CSMD1: variants seen among roughly 807,000 people sequenced by gnomAD.
CSMD1 encodes CUB and sushi domain-containing protein 1.
In CSMD1, 213 loss-of-function variants were observed where a neutral mutation model predicts 417.5. The observed-to-expected ratio is 0.51, with a 90% CI of 0.46 to 0.57. The LOEUF (loss-of-function observed/expected upper bound fraction) is 0.57. Among genes scored for constraint, CSMD1 ranks in the 20% least tolerant of loss-of-function variants. The pLI, the probability that CSMD1 is intolerant of heterozygous loss-of-function variation, is 0.00. For synonymous variants in CSMD1, 2,862 were observed against 1,736.8 expected (o/e 1.65, Z -16.11); for missense variants, 6,923 against 4,529.7 (o/e 1.53, Z -15.17).
At chr8:3,464,534 A>G (rs1440852388) in intron 12 of CSMD1, among the ~76,000 whole-genome samples, 1 of 150,856 alleles carries the variant, frequency 6.6e-6, no homozygotes, top group East Asian at 1.9e-4. Context: ...GTATTCTGAG[A>G]TTTACTATTT....
chr8:3,972,452 G>A (rs1348557285), intron 5 of CSMD1, among the ~76,000 whole-genome samples: 3 of 152,106 alleles, frequency 2.0e-5, no homozygotes, highest in Non-Finnish European at 2.9e-5. Context: ...TGTAAACAGT[G>A]ATTCCTTGGC....
At chr8:2,952,881 A>G (rs931172168) in intron 65 of CSMD1, among the ~76,000 whole-genome samples, 1 of 152,154 alleles carries the variant, frequency 6.6e-6, no homozygotes, top group Non-Finnish European at 1.5e-5. Context: ...GGCAGAGGTC[A>G]TCTTTCTGGG....
chr8:4,375,104 C>A (rs1335834688), intron 3 of CSMD1, among the ~76,000 whole-genome samples: 1 of 151,710 alleles, frequency 6.6e-6, no homozygotes, highest in Non-Finnish European at 1.5e-5. Context: ...CATTGGCAGA[C>A]CTGAAGAACG....
intron 10 of CSMD1, among the ~76,000 whole-genome samples, chr8:3,497,347 C>G (rs1222327892): frequency 2.0e-5 from 3 of 152,092 alleles, no homozygotes; most frequent in African/African-American, 7.2e-5. Context: ...TATATGTTTA[C>G]AATTGTTATA....
intron 50 of CSMD1, among the ~76,000 whole-genome samples, chr8:3,034,021 T>C (rs967098939): frequency 6.6e-6 from 1 of 152,200 alleles, no homozygotes; most frequent in Non-Finnish European, 1.5e-5. Context: ...ACGTGGCTCC[T>C]CCAGCTGCCT....
intron 13 of CSMD1, among the ~76,000 whole-genome samples, 194 bp from the exon 14 acceptor site, chr8:3,408,419 T>C (rs74560213): frequency 6.6e-5 from 10 of 152,164 alleles, no homozygotes; most frequent in Non-Finnish European, 1.5e-4. Context: ...TATTTCATTA[T>C]CATATAGAGC....
chr8:4,481,872 T>C (rs1801116737), intron 2 of CSMD1, among the ~76,000 whole-genome samples: 1 of 152,162 alleles, frequency 6.6e-6, no homozygotes, highest in South Asian at 2.1e-4. Context: ...GTCAGGAAAC[T>C]GTAGCACAAT....
chr8:3,995,549 T>C (rs931487543), intron 5 of CSMD1, among the ~76,000 whole-genome samples: 4 of 152,196 alleles, frequency 2.6e-5, no homozygotes, highest in African/African-American at 7.2e-5. Context: ...TGAGGGGCTA[T>C]ACATAGAGAG....
At chr8:3,940,199 T>G (rs1021357603) in intron 5 of CSMD1, among the ~76,000 whole-genome samples, 1 of 151,900 alleles carries the variant, frequency 6.6e-6, no homozygotes, top group Admixed American at 6.6e-5. Flanking sequence ...TTATTATTTT[T>G]GAAAAAGTTC....
At chr8:4,172,994 G>A (rs575715328) in intron 3 of CSMD1, among the ~76,000 whole-genome samples, 5 of 152,242 alleles carry the variant, frequency 3.3e-5, no homozygotes, top group South Asian at 4.1e-4. Flanking sequence ...CTGACCCACA[G>A]AAACCTTGAA....
chr8:3,447,075 G>C (rs375830279), intron 12 of CSMD1, among the ~76,000 whole-genome samples: 2 of 152,130 alleles, frequency 1.3e-5, no homozygotes, highest in African/African-American at 2.4e-5. Context: ...CGTAACATCA[G>C]TTGTTATATT....
chr8:3,217,571 C>G (rs1292072070), intron 29 of CSMD1, among the ~76,000 whole-genome samples: 1 of 152,136 alleles, frequency 6.6e-6, no homozygotes, highest in Non-Finnish European at 1.5e-5. Context: ...TAAGTACTGT[C>G]ATGGTAAAAT....
At position 4,223,358 on chromosome 8, in the gene CSMD1, C is replaced by T. The variant is rs74967323; in HGVS notation, c.416-191259G>A. The stretch of plus-strand genomic sequence containing the variant: ...GTCTCAGAACAATTTAAACTCCTAC[C>T]TGTAGTCCATCCATCAAGTAAATTC... On this transcript the variant is annotated intron_variant, in intron 3 of 69. Transcript: ENST00000635120. Among the ~76,000 whole-genome samples the T allele has an allele frequency of 1.8e-4, 27 of 152,358 alleles. No homozygotes were observed. In the East Asian group the frequency reaches 4.4e-3, roughly 25 times the overall value.
chr8:4,779,527 G>A (rs1013138441), intron 1 of CSMD1, among the ~76,000 whole-genome samples: 2 of 152,070 alleles, frequency 1.3e-5, no homozygotes, highest in Non-Finnish European at 2.9e-5. Context: ...TAGAGAAAAG[G>A]AACATTAACC....
intron 28 of CSMD1, among the ~76,000 whole-genome samples, chr8:3,220,758 G>T (rs758648993): frequency 6.6e-6 from 1 of 152,158 alleles, no homozygotes; most frequent in African/African-American, 2.4e-5. Flanking sequence ...TTGAACCCGG[G>T]AAGCGGAGGT....
At chr8:3,958,207 C>T (rs1391863911) in intron 5 of CSMD1, among the ~76,000 whole-genome samples, 1 of 152,078 alleles carries the variant, frequency 6.6e-6, no homozygotes, top group African/African-American at 2.4e-5. Context: ...TATCTTAACC[C>T]AGAAATCCAT....
intron 5 of CSMD1, among the ~76,000 whole-genome samples, chr8:3,940,991 T>C (rs1052504090): frequency 3.9e-5 from 6 of 151,988 alleles, no homozygotes; most frequent in African/African-American, 9.7e-5. Flanking sequence ...TTTTATTTTT[T>C]GGAGGCATAA....
intron 5 of CSMD1, among the ~76,000 whole-genome samples, chr8:3,777,629 A>C (rs1185112676): frequency 6.6e-6 from 1 of 152,210 alleles, no homozygotes; most frequent in African/African-American, 2.4e-5. Context: ...CCAGCATCCC[A>C]ACCAGCAACA....
At chr8:4,418,337 A>G (rs1797060499) in intron 3 of CSMD1, among the ~76,000 whole-genome samples, 1 of 152,178 alleles carries the variant, frequency 6.6e-6, no homozygotes, top group Admixed American at 6.6e-5. Context: ...TTTCCAACAT[A>G]GACAATCTTG....
Sources: gnomAD v4.1 joint callset for allele counts (sites outside exome capture counted in the v4.1 genomes callset) on GRCh38, gnomAD v4.1.1 for gene constraint, MANE v1.5 for transcripts, NCBI Gene and HGNC (gene_info 2026-07-23, HGNC 2026-07-21) for gene names.